The following ACSF3 variants were observed in gnomAD, a reference collection of about 807,000 sequenced individuals.
ACSF3 encodes the protein acyl-CoA synthetase family member 3.
Under a neutral mutation model 53.2 loss-of-function variants are expected in ACSF3, and 78 were observed. The observed-to-expected ratio is 1.47, with a 90% CI of 1.22 to 1.77. ACSF3 has a LOEUF of 1.77. Among genes scored for constraint, ACSF3 ranks in the 40% most tolerant of loss-of-function variants. ACSF3 has a pLI of 0.00. For missense variants in ACSF3, 937 were observed against 771.1 expected, an observed-to-expected ratio of 1.22 and a Z score of -2.55; for synonymous variants, 414 against 333.1, an observed-to-expected ratio of 1.24 and a Z score of -2.65.
At chr16:89,122,407 C>T (rs1306513852) in intron 7 of ACSF3, 1 of 452,476 alleles carries the variant, frequency 2.2e-6, no homozygotes, top group Non-Finnish European at 4.5e-6. Flanking sequence ...TGACATGCCT[C>T]TCCTGGGATT....
At chr16:89,107,429 C>T (rs559418164) in intron 4 of ACSF3, among the ~76,000 whole-genome samples, 5 of 151,890 alleles carry the variant, frequency 3.3e-5, no homozygotes, top group African/African-American at 1.2e-4. Context: ...TCCTGCTACA[C>T]GCGTGCTCTC....
Position 89,107,829 on chromosome 16 carries a change from G to A in ACSF3, c.823-4263G>A, listed in dbSNP as rs150933773. On this transcript the variant is annotated intron_variant, in intron 4 of 10. Transcript: ENST00000614302. ...TGTTTCACACACCCCAGCCCCAAAT[G>A]TGGCTGCATGTTTCATACGCCCCCA... Among the ~76,000 whole-genome samples, 474 of 152,262 alleles carry A rather than the reference G, an allele frequency of 3.1e-3. 3 individuals are homozygous for A. The highest frequency in any genetic ancestry group is 0.011 in the African/African-American group (454 of 41,524).
chr16:89,094,112 G>A, intron 1 of ACSF3, 116 bp downstream of exon 1: 1 of 151,322 alleles, frequency 6.6e-6, no homozygotes, highest in Non-Finnish European at 1.5e-5. Context: ...CGTGGCCCGT[G>A]GCGCGGTCGC....
At chr16:89,096,948 G>C (rs4782466) in intron 1 of ACSF3, among the ~76,000 whole-genome samples, 1 of 152,112 alleles carries the variant, frequency 6.6e-6, no homozygotes, top group African/African-American at 2.4e-5. Flanking sequence ...TCTGGATTCC[G>C]CGCAGGAGAA....
intron 8 of ACSF3, chr16:89,141,015 G>A: frequency 8.2e-7 from 1 of 1,220,572 alleles, no homozygotes. Flanking sequence ...TTGATAAATA[G>A]GTTGTTATGG....
In ACSF3 at chr16:89,155,664, C is replaced by T. The variant is rs1264655784; in HGVS notation, c.*1457C>T. 8.8e-6 allele frequency: 4 copies of T among 454,022 alleles called. No individual in the cohort carries two copies. The highest frequency in any genetic ancestry group is 4.7e-5 in the South Asian group (3 of 64,488). 28.1% of individuals were successfully genotyped at this position (454,022 alleles called of 1,614,324 possible). ...GGGAACGGCAGTCAGAGACTACAGTCCAGACGTTTGTGTCTAGGCCTTGCT... is the reference window on the plus strand; with the variant it reads ...GGGAACGGCAGTCAGAGACTACAGTTCAGACGTTTGTGTCTAGGCCTTGCT... On this transcript the variant is annotated 3_prime_UTR_variant, in exon 11 of 11. Coordinates refer to ENST00000614302, the MANE Select transcript of ACSF3 (RefSeq NM_001243279.3).
intron 6 of ACSF3, among the ~76,000 whole-genome samples, chr16:89,117,412 C>A (rs1433637392): frequency 6.6e-6 from 1 of 152,168 alleles, no homozygotes; most frequent in Non-Finnish European, 1.5e-5. Context: ...CCCCCCTAGC[C>A]TTTTTTACTG....
chr16:89,100,567 C>T, intron 2 of ACSF3, 95 bp from the exon 3 acceptor site: 1 of 1,258,844 alleles, frequency 7.9e-7, no homozygotes, highest in Non-Finnish European at 1.1e-6. Context: ...GCAGGCGTAC[C>T]TGGCTGGGTA....
chr16:89,141,945 G>C (rs1911840224), intron 8 of ACSF3, among the ~76,000 whole-genome samples: 1 of 152,210 alleles, frequency 6.6e-6, no homozygotes, highest in Admixed American at 6.5e-5. Context: ...ACAGGTCTCA[G>C]TCCTGCACTG....
At chr16:89,135,949 A>G (rs1910367061) in intron 8 of ACSF3, among the ~76,000 whole-genome samples, 1 of 152,120 alleles carries the variant, frequency 6.6e-6, no homozygotes, top group Non-Finnish European at 1.5e-5. Context: ...TAATTTTTGT[A>G]TTTTTAGTAA....
intron 2 of ACSF3, among the ~76,000 whole-genome samples, chr16:89,100,212 C>T (rs191410142): frequency 1.4e-4 from 22 of 152,382 alleles, no homozygotes; most frequent in Non-Finnish European, 2.1e-4. Flanking sequence ...AGAGAGGCAG[C>T]GCCGTGTCTG....
chr16:89,118,524 G>A (rs1365161707), intron 6 of ACSF3, among the ~76,000 whole-genome samples: 3 of 151,496 alleles, frequency 2.0e-5, no homozygotes, highest in African/African-American at 7.3e-5. Flanking sequence ...CTGAGCTCAT[G>A]CTTGGCCTCG....
chr16:89,118,916 A>G (rs1047257542), intron 6 of ACSF3, among the ~76,000 whole-genome samples: 1 of 152,214 alleles, frequency 6.6e-6, no homozygotes, highest in African/African-American at 2.4e-5. Flanking sequence ...TTGCGGGGCC[A>G]GCCTCTGTCC....
At position 89,101,308 on chromosome 16, in the gene ACSF3, C is replaced by G; in HGVS notation, c.627C>G (p.Pro209=). The change falls in exon 3 of 11, where the codon CCC becomes CCG. Residue 209 remains proline (P), a synonymous_variant. Transcript: ENST00000614302. The stretch of plus-strand genomic sequence containing the variant: ...ACACCAGTGGGACCACGGGGAGGCC[C>G]AAGGGCGTGCTGAGCACGCACCAAA... ...IIYTSGTTGR[P]KGVLSTHQNI... is the part of the protein sequence containing the mutation. The G allele has an allele frequency of 2.5e-6, 4 of 1,600,440 alleles. No homozygotes were observed. The highest frequency in any genetic ancestry group is 3.4e-6 in the Non-Finnish European group (4 of 1,174,134).
chr16:89,114,510 C>G, intron 6 of ACSF3, 23 bp downstream of exon 6: 1 of 1,608,606 alleles, frequency 6.2e-7, no homozygotes, highest in Non-Finnish European at 8.5e-7. Context: ...CCCACAGCTG[C>G]GTTCCTCTTC....
intron 4 of ACSF3, among the ~76,000 whole-genome samples, chr16:89,105,808 G>C (rs1453704357): frequency 2.0e-5 from 3 of 152,152 alleles, no homozygotes; most frequent in African/African-American, 7.2e-5. Context: ...AGGGAGCTGA[G>C]GGCAGGTTGG....
rs1019492584 is a variant in ACSF3 at position 89,155,399 on chromosome 16, C to T, written c.*1192C>T. On this transcript the variant is annotated 3_prime_UTR_variant, in exon 11 of 11. Transcript: ENST00000614302. ...AGCCCCATCTCAGGCTCACATGCCT[C>T]GCGGACAGTTGGACGTGGCCTGGGG... 2 of 453,318 alleles carry T rather than the reference C, an allele frequency of 4.4e-6. No individual in the cohort carries two copies. Among genetic ancestry groups the T allele is most frequent in the East Asian group, 6.9e-5 (1 of 14,396 alleles). The allele number at this position is 453,318 out of a possible 1,614,324, so 28.1% of individuals were successfully genotyped here. A position where few individuals can be genotyped will look rare whatever the true frequency, so the allele number is the denominator to read the frequency against.
At position 89,107,097 on chromosome 16, in the gene ACSF3, C is replaced by G. The variant is rs994644916; in HGVS notation, c.822+4338C>G. On this transcript the variant is annotated intron_variant, in intron 4 of 10. Transcript: ENST00000614302. ...TGGCAGCTCAGGTTAGAGCAACAGGCCTGCTCCTGCCACCTCAGAAGCACT... is the reference window on the plus strand; with the variant it reads ...TGGCAGCTCAGGTTAGAGCAACAGGGCTGCTCCTGCCACCTCAGAAGCACT... Among the ~76,000 whole-genome samples the G allele has an allele frequency of 2.0e-5, 3 of 152,222 alleles. No homozygotes were observed. The East Asian group carries it at 5.8e-4, about 29-fold the overall frequency.
chr16:89,105,115 C>T (rs925127275), intron 4 of ACSF3, among the ~76,000 whole-genome samples: 1 of 152,118 alleles, frequency 6.6e-6, no homozygotes, highest in African/African-American at 2.4e-5. Context: ...TGAAGAGCCT[C>T]CCTGAGGGCC....
Sources: gnomAD v4.1 joint callset for allele counts (sites outside exome capture counted in the v4.1 genomes callset) on GRCh38, gnomAD v4.1.1 for gene constraint, MANE v1.5 for transcripts, NCBI Gene and HGNC (gene_info 2026-07-23, HGNC 2026-07-21) for gene names.